Variants in PIK3CB observed in about 807,000 individuals in gnomAD.
PIK3CB encodes the protein phosphatidylinositol 4,5-bisphosphate 3-kinase catalytic subunit beta isoform.
In PIK3CB, 39 loss-of-function variants were observed where a neutral mutation model predicts 136.8. That is an observed-to-expected ratio of 0.29 (90% CI 0.22 to 0.37). The LOEUF (loss-of-function observed/expected upper bound fraction) is 0.37. PIK3CB is among the 10% of genes least tolerant of loss of function. PIK3CB has a pLI of 1.00. For missense variants in PIK3CB, 868 were observed against 1,275.4 expected, an observed-to-expected ratio of 0.68 and a Z score of 4.87; for synonymous variants, 428 against 436.6, an observed-to-expected ratio of 0.98 and a Z score of 0.25.
chr3:138,819,746 G>A (rs1476793994), intron 1 of PIK3CB, among the ~76,000 whole-genome samples: 1 of 152,108 alleles, frequency 6.6e-6, no homozygotes, highest in African/African-American at 2.4e-5. Flanking sequence ...AGGCCAAGGC[G>A]GGCAGATCAT....
At chr3:138,712,730 C>T (rs545331422) in intron 9 of PIK3CB, among the ~76,000 whole-genome samples, 1 of 152,058 alleles carries the variant, frequency 6.6e-6, no homozygotes, top group African/African-American at 2.4e-5. Flanking sequence ...CCACACCCAG[C>T]TAATTTTTGT....
At chr3:138,659,038 T>G (rs957169010) in intron 21 of PIK3CB, among the ~76,000 whole-genome samples, 2 of 152,234 alleles carry the variant, frequency 1.3e-5, no homozygotes, top group Non-Finnish European at 2.9e-5. Context: ...TCTCTTTTGG[T>G]TGAGACCAGG....
chr3:138,699,003 A>G lies in PIK3CB; in HGVS notation c.1674T>C (p.Ile558=), dbSNP rs767692274. Residue 558 remains isoleucine, a synonymous_variant, in exon 13 of 24, where the codon ATT becomes ATC. Transcript: ENST00000674063. ...CTCGGCAGTCTTGTCGCAAAGTCCAAATAAGATCCATTTCATTTTCACACA... is the reference window on the plus strand; with the variant it reads ...CTCGGCAGTCTTGTCGCAAAGTCCAGATAAGATCCATTTCATTTTCACACA... ...SQLCENEMDL[I]WTLRQDCREI... is the part of the protein sequence containing the mutation. The G allele has an allele frequency of 1.1e-5, 18 of 1,607,562 alleles. No homozygotes were observed. The East Asian group carries it at 3.6e-4, about 32-fold the overall frequency.
intron 14 of PIK3CB, 35 bp downstream of exon 14, chr3:138,694,751 T>G (rs755881992): frequency 6.2e-7 from 1 of 1,605,944 alleles, no homozygotes; most frequent in Admixed American, 1.7e-5. Flanking sequence ...CCCAAGTTAT[T>G]CCTTGCCCCA....
intron 2 of PIK3CB, chr3:138,778,472 G>T (rs781252034): frequency 1.7e-5 from 4 of 241,218 alleles, no homozygotes; most frequent in Non-Finnish European, 3.3e-5. Context: ...TGTGGGCAAA[G>T]TCATCTCCAA....
intron 2 of PIK3CB, chr3:138,770,525 C>T (rs945966643): frequency 8.6e-5 from 13 of 151,656 alleles, no homozygotes; most frequent in African/African-American, 2.9e-4. Flanking sequence ...CTGGCTAACA[C>T]AGTGAAACCC....
At chr3:138,789,996 C>G (rs1288864701) in intron 2 of PIK3CB, among the ~76,000 whole-genome samples, 1 of 152,014 alleles carries the variant, frequency 6.6e-6, no homozygotes, top group Non-Finnish European at 1.5e-5. Context: ...GCCTATTCAG[C>G]CTTTAAAAGG....
Position 138,828,954 on chromosome 3 carries a change from A to ATTT in PIK3CB, c.-122+5738_-122+5740dup, listed in dbSNP as rs34176247. Among the ~76,000 whole-genome samples, 464 of 130,814 alleles carry ATTT rather than the reference A, an allele frequency of 3.5e-3. 5 individuals carry two copies. Among genetic ancestry groups the ATTT allele is most frequent in the African/African-American group, 0.012 (402 of 34,708 alleles). 85.8% of individuals were successfully genotyped at this position (130,814 alleles called of 152,430 possible). A position where few individuals can be genotyped will look rare whatever the true frequency, so the allele number is the denominator to read the frequency against. On this transcript the variant is annotated intron_variant, in intron 1 of 23. Coordinates refer to ENST00000674063, the MANE Select transcript of PIK3CB (RefSeq NM_006219.3). ...AGGCGCATGCCACCACACCAGGCTA[A>ATTT]TTTTTTTTTTTTTTTTTTTGTATTT... is the stretch of plus-strand genomic sequence containing the variant.
In PIK3CB at chr3:138,655,593, G is replaced by A. The variant is rs1413577319; in HGVS notation, c.3076-67C>T. 7 of 1,302,642 alleles carry A rather than the reference G, an allele frequency of 5.4e-6. No homozygotes were observed. In the Admixed American group the frequency reaches 1.2e-4, roughly 22 times the overall value. The allele number at this position is 1,302,642 out of a possible 1,614,324, so 80.7% of individuals were successfully genotyped here. On this transcript the variant is annotated intron_variant, in intron 23 of 23. Transcript: ENST00000674063. ...TAGAGATGTGCAAATATCAAAGTCT[G>A]CAGGAGGCTGGATTGGTTGTGCCTC...
chr3:138,715,086 C>A (rs971272304), intron 8 of PIK3CB, among the ~76,000 whole-genome samples: 4 of 152,150 alleles, frequency 2.6e-5, no homozygotes, highest in African/African-American at 9.7e-5. Flanking sequence ...TCACTGACTT[C>A]ATTTACTTGA....
intron 1 of PIK3CB, among the ~76,000 whole-genome samples, chr3:138,801,155 G>C (rs1289472201): frequency 1.3e-5 from 2 of 151,910 alleles, no homozygotes; most frequent in African/African-American, 4.8e-5. Context: ...AAATTCTCTA[G>C]GCACAGTAAA....
chr3:138,779,715 G>C, intron 2 of PIK3CB, among the ~76,000 whole-genome samples: 1 of 142,536 alleles, frequency 7.0e-6, no homozygotes, highest in South Asian at 2.3e-4. Context: ...TTTTTTAATA[G>C]AGACAGTGTC....
intron 8 of PIK3CB, among the ~76,000 whole-genome samples, chr3:138,715,910 T>A (rs1343331819): frequency 6.6e-6 from 1 of 151,912 alleles, no homozygotes; most frequent in Non-Finnish European, 1.5e-5. Context: ...TGAACACAGA[T>A]GGATTAGAGA....
intron 16 of PIK3CB, 69 bp from the exon 17 acceptor site, chr3:138,684,872 C>T (rs908118150): frequency 9.4e-6 from 10 of 1,062,998 alleles, no homozygotes; most frequent in East Asian, 4.8e-5. Flanking sequence ...GTGATCATAT[C>T]AATCAATAAC....
At chr3:138,717,522 A>G (rs1185252018) in intron 8 of PIK3CB, among the ~76,000 whole-genome samples, 3 of 122,522 alleles carry the variant, frequency 2.4e-5, no homozygotes, top group Non-Finnish European at 5.3e-5. Context: ...GAAAATAGAA[A>G]TTTTTTGTGG....
chr3:138,774,039 T>C (rs2108770906), intron 2 of PIK3CB, among the ~76,000 whole-genome samples: 1 of 152,320 alleles, frequency 6.6e-6, no homozygotes, highest in South Asian at 2.1e-4. Context: ...TTCTCTAGCC[T>C]TTGAAGATAT....
At chr3:138,689,396 C>G (rs1009629951) in intron 15 of PIK3CB, among the ~76,000 whole-genome samples, 11 of 152,318 alleles carry the variant, frequency 7.2e-5, no homozygotes, top group African/African-American at 2.4e-4. Context: ...TTCATACTTG[C>G]GATTCTCCTG....
At chr3:138,799,448 T>C (rs1005882141) in intron 1 of PIK3CB, among the ~76,000 whole-genome samples, 3 of 151,768 alleles carry the variant, frequency 2.0e-5, no homozygotes, top group African/African-American at 7.3e-5. Context: ...CAAAGTCAAA[T>C]CTTACCTCTC....
At chr3:138,705,167 A>AAAG (rs1559828536) in intron 11 of PIK3CB, among the ~76,000 whole-genome samples, 1 of 96,400 alleles carries the variant, frequency 1.0e-5, no homozygotes, top group Admixed American at 1.1e-4. Flanking sequence ...AAAAAAAAAA[A>AAAG]AAAAAACAAA....
Sources: gnomAD v4.1 joint callset for allele counts (sites outside exome capture counted in the v4.1 genomes callset) on GRCh38, gnomAD v4.1.1 for gene constraint, MANE v1.5 for transcripts, NCBI Gene and HGNC (gene_info 2026-07-23, HGNC 2026-07-21) for gene names.